The following ASB18 variants were observed in gnomAD, a reference collection of about 807,000 sequenced individuals.
The protein encoded by ASB18 is ankyrin repeat and SOCS box protein 18.
A neutral mutation model predicts 33.4 loss-of-function variants in ASB18; 33 were observed. The ratio of observed to expected loss-of-function variants is 0.99; its 90% CI spans 0.75 to 1.32. The LOEUF (loss-of-function observed/expected upper bound fraction) is 1.32. Ranked by LOEUF, ASB18 falls within the 40% of genes most tolerant of loss-of-function variation. ASB18 has a pLI of 0.00. For missense variants in ASB18, 694 were observed against 655.5 expected, an observed-to-expected ratio of 1.06 and a Z score of -0.64; for synonymous variants, 295 against 307.6, an observed-to-expected ratio of 0.96 and a Z score of 0.43.
Position 236,238,014 on chromosome 2 carries a change from G to A in ASB18, c.329-58C>T. The stretch of plus-strand genomic sequence containing the variant: ...GGGAGGTTAGTTGTGGTGGTGGTGG[G>A]CGGTGTTCCTTAAGGCGGAAAGAAA... On this transcript the variant is annotated intron_variant, in intron 2 of 5. Transcript: ENST00000409749. This position sits in a 1 kb window ranked among gnomAD's most constrained non-coding sequence, Gnocchi z 5.2. The A allele has an allele frequency of 1.4e-6, 2 of 1,400,030 alleles. No individual in the cohort carries two copies. The highest frequency in any genetic ancestry group is 3.1e-5 in the Admixed American group (1 of 32,438). 86.7% of individuals were successfully genotyped at this position (1,400,030 alleles called of 1,614,324 possible).
rs1011538297 is a variant in ASB18 at position 236,208,454 on chromosome 2, C to T, written c.1101+5908G>A. Among the ~76,000 whole-genome samples, 8 of 152,184 alleles carry T rather than the reference C, an allele frequency of 5.3e-5. No individual in the cohort carries two copies. Among genetic ancestry groups the T allele is most frequent in the Admixed American group, 2.6e-4 (4 of 15,278 alleles). ...GCTGCTATTTATCTGGTACCCTAGG[C>T]GATGCTCAGGTCTTGCTCACTGCAA... On this transcript the variant is annotated intron_variant, in intron 4 of 5. Coordinates refer to ENST00000409749, the MANE Select transcript of ASB18 (RefSeq NM_212556.4). This position sits in a 1 kb window ranked among gnomAD's most constrained non-coding sequence, Gnocchi z 7.7.
chr2:236,210,797 A>T (rs1038563577), intron 4 of ASB18, among the ~76,000 whole-genome samples: 1 of 152,206 alleles, frequency 6.6e-6, no homozygotes, highest in Non-Finnish European at 1.5e-5. Flanking sequence ...CCAAAGGAAC[A>T]CCTGTGAAGG....
rs779644952 is a variant in ASB18, at chr2:236,262,500, T to C, written c.205+1641A>G. On this transcript the variant is annotated intron_variant, in intron 1 of 5. Transcript: ENST00000409749. This position sits in a 1 kb window ranked among gnomAD's most constrained non-coding sequence, Gnocchi z 5.2. Reference sequence around the variant, plus strand: ...CTGGCAGGGAGGGCCGGGGAAGCACTTGCCCTACCCTCACTTTCCTCCAAC... The same window carrying C: ...CTGGCAGGGAGGGCCGGGGAAGCACCTGCCCTACCCTCACTTTCCTCCAAC... 8.5e-5 allele frequency among the ~76,000 whole-genome samples: 13 copies of C among 152,212 alleles called. No individual in the cohort carries two copies. Among genetic ancestry groups the C allele is most frequent in the Non-Finnish European group, 1.6e-4 (11 of 68,038 alleles).
rs886468793 is a variant in ASB18, at chr2:236,213,183, C to A, written c.1101+1179G>T. ...TTGAAATCATTGCCTTAGTGGAGCA[C>A]CACAAGACAATTACCCAAAGAGGGG... On this transcript the variant is annotated intron_variant, in intron 4 of 5. Transcript: ENST00000409749. This position sits in a 1 kb window ranked among gnomAD's most constrained non-coding sequence, Gnocchi z 4.8. Among the ~76,000 whole-genome samples the A allele has an allele frequency of 6.8e-6, 1 of 146,650 alleles. No homozygotes were observed. The highest frequency in any genetic ancestry group is 1.5e-5 in the Non-Finnish European group (1 of 65,842).
At position 236,193,762 on chromosome 2, in the gene ASB18, A is replaced by AAAAC. The variant is rs551780974; in HGVS notation, c.*1106_*1109dup. On this transcript the variant is annotated 3_prime_UTR_variant, in exon 6 of 6. Coordinates refer to ENST00000409749, the MANE Select transcript of ASB18 (RefSeq NM_212556.4). This position sits in a 1 kb window ranked among gnomAD's most constrained non-coding sequence, Gnocchi z 5.0. ...GGTGAGCCAAGATTGCGCCAGTCTC[A>AAAAC]AAACAAACAAACAAACAAACAAAAA... is the stretch of plus-strand genomic sequence containing the variant. 2.7e-4 allele frequency among the ~76,000 whole-genome samples: 41 copies of AAAAC among 151,988 alleles called. 1 individual carries two copies. Among genetic ancestry groups the AAAAC allele is most frequent in the South Asian group, 2.1e-3 (10 of 4,800 alleles).
chr2:236,218,466 T>G (rs1428377374), intron 3 of ASB18, among the ~76,000 whole-genome samples: 2 of 152,174 alleles, frequency 1.3e-5, no homozygotes, highest in African/African-American at 4.8e-5. Flanking sequence ...TACAGTCCCA[T>G]TTTGAAAAAG....
In ASB18 at chr2:236,237,722, G is replaced by A. The variant is rs1375309830; in HGVS notation, c.563C>T (p.Pro188Leu). Reference sequence around the variant, plus strand: ...GGCGGCCGTGCGGCAGAGGTGCAGAGGCGCCAGGCCCTCGGCGCTGAGCAG... The same window carrying A: ...GGCGGCCGTGCGGCAGAGGTGCAGAAGCGCCAGGCCCTCGGCGCTGAGCAG... ...PDLLSAEGLA[P>L]LHLCRTAASL... Residue 188 changes from proline to leucine, a missense_variant, in exon 3 of 6, where the codon CCT becomes CTT. By Grantham distance (98) the Pro-to-Leu change is moderately conservative. Coordinates refer to ENST00000409749, the MANE Select transcript of ASB18 (RefSeq NM_212556.4). This position sits in a 1 kb window ranked among gnomAD's most constrained non-coding sequence, Gnocchi z 6.2. 21 of 1,460,958 alleles carry A rather than the reference G, an allele frequency of 1.4e-5. No homozygotes were observed. The highest frequency in any genetic ancestry group is 3.1e-5 in the East Asian group (1 of 32,616). 90.5% of individuals were successfully genotyped at this position (1,460,958 alleles called of 1,614,324 possible). A position where few individuals can be genotyped will look rare whatever the true frequency, so the allele number is the denominator to read the frequency against.
rs1242463987 is a variant in ASB18, at chr2:236,220,909, A to G, written c.597-6043T>C. Among the ~76,000 whole-genome samples the G allele has an allele frequency of 6.6e-6, 1 of 152,166 alleles. No homozygotes were observed. Among genetic ancestry groups the G allele is most frequent in the Non-Finnish European group, 1.5e-5 (1 of 68,024 alleles). On this transcript the variant is annotated intron_variant, in intron 3 of 5. Coordinates refer to ENST00000409749, the MANE Select transcript of ASB18 (RefSeq NM_212556.4). This position sits in a 1 kb window ranked among gnomAD's most constrained non-coding sequence, Gnocchi z 5.1. ...TTTCTCCTCTTATCACTCCACAGGA[A>G]TTCCTGGACAGACTCACCGACAGGA... is the stretch of plus-strand genomic sequence containing the variant.
At chr2:236,230,795 GAAGATA>G (rs1182580275) in intron 3 of ASB18, among the ~76,000 whole-genome samples, 1 of 151,640 alleles carries the variant, frequency 6.6e-6, no homozygotes, top group Non-Finnish European at 1.5e-5. Flanking sequence ...AGGTAGAAAA[GAAGATA>G]AAGAGAACAA....
At position 236,237,678 on chromosome 2, in the gene ASB18, G is replaced by C. The variant is rs1313001938; in HGVS notation, c.596+11C>G. 3.1e-5 allele frequency: 45 copies of C among 1,430,926 alleles called. No individual in the cohort carries two copies. Among genetic ancestry groups the C allele is most frequent in the Non-Finnish European group, 4.0e-5 (44 of 1,098,984 alleles). The allele number at this position is 1,430,926 out of a possible 1,614,324, so 88.6% of individuals were successfully genotyped here. On this transcript the variant is annotated intron_variant, in intron 3 of 5. Coordinates refer to ENST00000409749, the MANE Select transcript of ASB18 (RefSeq NM_212556.4). This position sits in a 1 kb window ranked among gnomAD's most constrained non-coding sequence, Gnocchi z 6.2. Reference sequence around the variant, plus strand: ...GGGGCGGACGCCGCGGGCCTGTCCCGAGGTCCTTACCCGAGCGAGGCGGCC... The same window carrying C: ...GGGGCGGACGCCGCGGGCCTGTCCCCAGGTCCTTACCCGAGCGAGGCGGCC...
Position 236,228,616 on chromosome 2 carries a change from C to G in ASB18, c.596+9073G>C, listed in dbSNP as rs987759437. Among the ~76,000 whole-genome samples the G allele has an allele frequency of 2.6e-5, 4 of 152,150 alleles. No homozygotes were observed. Among genetic ancestry groups the G allele is most frequent in the African/African-American group, 9.7e-5 (4 of 41,426 alleles). On this transcript the variant is annotated intron_variant, in intron 3 of 5. Coordinates refer to ENST00000409749, the MANE Select transcript of ASB18 (RefSeq NM_212556.4). This position sits in a 1 kb window ranked among gnomAD's most constrained non-coding sequence, Gnocchi z 5.1. ...GTTGAGAGTGTGGGCTGGTGGATTTCTACCAGAAAGTTTCTAGGACAGAAA... is the reference window on the plus strand; with the variant it reads ...GTTGAGAGTGTGGGCTGGTGGATTTGTACCAGAAAGTTTCTAGGACAGAAA...
At chr2:236,202,805 A>AT (rs2060411378) in intron 4 of ASB18, among the ~76,000 whole-genome samples, 1 of 139,628 alleles carries the variant, frequency 7.2e-6, no homozygotes, top group African/African-American at 2.6e-5. Context: ...ATATATATAT[A>AT]TATATATATA....
rs751169636 is a variant in ASB18 at position 236,243,246 on chromosome 2, C to T, written c.206-1844G>A. ...TCAGGAGGCTTAGGTGAGAGAATGGCGTGAACCCAGGAGACGGAGCTTGCA... is the reference window on the plus strand; with the variant it reads ...TCAGGAGGCTTAGGTGAGAGAATGGTGTGAACCCAGGAGACGGAGCTTGCA... On this transcript the variant is annotated intron_variant, in intron 1 of 5. Transcript: ENST00000409749. Among the ~76,000 whole-genome samples, 8 of 147,834 alleles carry T rather than the reference C, an allele frequency of 5.4e-5. No homozygotes were observed. The South Asian group carries it at 8.6e-4, about 16-fold the overall frequency.
In ASB18 at chr2:236,211,862, C is replaced by A. The variant is rs2060460127; in HGVS notation, c.1101+2500G>T. 6.6e-6 allele frequency among the ~76,000 whole-genome samples: 1 copy of A among 152,122 alleles called. No homozygotes were observed. The highest frequency in any genetic ancestry group is 1.5e-5 in the Non-Finnish European group (1 of 68,022). On this transcript the variant is annotated intron_variant, in intron 4 of 5. Transcript: ENST00000409749. The surrounding 1 kb of genome is among the most constrained non-coding windows in gnomAD (Gnocchi z 5.0). ...TCCTCATCCACCATCCTCTCCTGGCCAGGTGTAGGGGTACCCACTGGAGGT... is the reference window on the plus strand; with the variant it reads ...TCCTCATCCACCATCCTCTCCTGGCAAGGTGTAGGGGTACCCACTGGAGGT...
At position 236,222,232 on chromosome 2, in the gene ASB18, TC is replaced by T. The variant is rs1195988697; in HGVS notation, c.597-7367del. ...TTCTGCATTTTCTTTTCTCTCCCTC[TC>T]TCCCGGGATGCTAAGCTATGAGACT... is the stretch of plus-strand genomic sequence containing the variant. On this transcript the variant is annotated intron_variant, in intron 3 of 5. Transcript: ENST00000409749. The surrounding 1 kb of genome is among the most constrained non-coding windows in gnomAD (Gnocchi z 5.5). 1.3e-5 allele frequency among the ~76,000 whole-genome samples: 2 copies of T among 152,128 alleles called. No individual in the cohort carries two copies. The highest frequency in any genetic ancestry group is 4.8e-5 in the African/African-American group (2 of 41,414).
Position 236,219,748 on chromosome 2 carries a change from G to T in ASB18, c.597-4882C>A, listed in dbSNP as rs768452982. On this transcript the variant is annotated intron_variant, in intron 3 of 5. Coordinates refer to ENST00000409749, the MANE Select transcript of ASB18 (RefSeq NM_212556.4). The surrounding 1 kb of genome is among the most constrained non-coding windows in gnomAD (Gnocchi z 6.4). ...ATCCCTGAAGCCTTTGCAGGTCTATGTCTGGGACCCAGCCTTGGCTGAGCC... is the reference window on the plus strand; with the variant it reads ...ATCCCTGAAGCCTTTGCAGGTCTATTTCTGGGACCCAGCCTTGGCTGAGCC... Among the ~76,000 whole-genome samples the T allele has an allele frequency of 6.6e-6, 1 of 152,098 alleles. No homozygotes were observed.
Position 236,194,513 on chromosome 2 carries a change from A to AT in ASB18, c.*358dup, listed in dbSNP as rs1169304117. On this transcript the variant is annotated 3_prime_UTR_variant, in exon 6 of 6. Transcript: ENST00000409749. The surrounding 1 kb of genome is among the most constrained non-coding windows in gnomAD (Gnocchi z 4.5). ...TAACCTTGGGAAAACTGGCATTGTT[A>AT]TACCTCATTTAGCTTAAAGCTGGTT... 2.0e-5 allele frequency among the ~76,000 whole-genome samples: 3 copies of AT among 152,212 alleles called. No individual in the cohort carries two copies. Among genetic ancestry groups the AT allele is most frequent in the African/African-American group, 7.2e-5 (3 of 41,442 alleles).
chr2:236,241,505 CT>C lies in ASB18; in HGVS notation c.206-104del. 7.2e-7 allele frequency: 1 copy of C among 1,382,744 alleles called. No individual in the cohort carries two copies. The allele number at this position is 1,382,744 out of a possible 1,614,324, so 85.7% of individuals were successfully genotyped here. A position where few individuals can be genotyped will look rare whatever the true frequency, so the allele number is the denominator to read the frequency against. On this transcript the variant is annotated intron_variant, in intron 1 of 5. Coordinates refer to ENST00000409749, the MANE Select transcript of ASB18 (RefSeq NM_212556.4). This position sits in a 1 kb window ranked among gnomAD's most constrained non-coding sequence, Gnocchi z 4.2. ...ATTTGAAGTTTTCCTCTCACTGGCC[CT>C]GGCTGTCTCTCCATTGAGATGCCGT...
In ASB18 at chr2:236,214,917, C is replaced by T. The variant is rs969395881; in HGVS notation, c.597-51G>A. 93 of 1,197,804 alleles carry T rather than the reference C, an allele frequency of 7.8e-5. No homozygotes were observed. In the African/African-American group the frequency reaches 1.4e-3, roughly 19 times the overall value. The allele number at this position is 1,197,804 out of a possible 1,614,324, so 74.2% of individuals were successfully genotyped here. On this transcript the variant is annotated intron_variant, in intron 3 of 5. Transcript: ENST00000409749. This position sits in a 1 kb window ranked among gnomAD's most constrained non-coding sequence, Gnocchi z 6.5. ...CGGGCGCCACGCAGGACGCCCGCAC[C>T]CTTCCACCCCCGGCCTGCTGCTGCA...
Sources: allele counts gnomAD v4.1 joint callset (sites outside exome capture counted in the v4.1 genomes callset), GRCh38; gene constraint gnomAD v4.1.1; non-coding constraint Gnocchi (gnomAD v3.1); transcripts MANE v1.5; gene names NCBI Gene and HGNC (gene_info 2026-07-23, HGNC 2026-07-21).